The following RGS6 variants were observed in gnomAD, a reference collection of about 807,000 sequenced individuals.
The protein encoded by RGS6 is regulator of G protein signaling 6.
Under a neutral mutation model 78.5 loss-of-function variants are expected in RGS6, and 30 were observed. The observed-to-expected ratio is 0.38, with a 90% CI of 0.29 to 0.52. The LOEUF (loss-of-function observed/expected upper bound fraction) is 0.52. Ranked by LOEUF, RGS6 falls within the 20% of genes least tolerant of loss-of-function variation. RGS6 has a pLI of 0.85. For synonymous variants in RGS6, 206 were observed against 206.0 expected (o/e 1.00, Z 0.00); for missense variants, 495 against 609.7 (o/e 0.81, Z 1.98).
chr14:72,360,625 T>G (rs910509818), intron 3 of RGS6, among the ~76,000 whole-genome samples: 1 of 152,002 alleles, frequency 6.6e-6, no homozygotes, highest in Non-Finnish European at 1.5e-5. Flanking sequence ...TGGAAGCTTA[T>G]AGATCTTCTC....
intron 2 of RGS6, among the ~76,000 whole-genome samples, chr14:72,154,101 A>G (rs993596360): frequency 6.6e-6 from 1 of 152,178 alleles, no homozygotes; most frequent in African/African-American, 2.4e-5. Flanking sequence ...ATTCCTTGCT[A>G]GGAAAATAAT....
chr14:72,344,497 A>G (rs903246439), intron 2 of RGS6, among the ~76,000 whole-genome samples: 1 of 152,210 alleles, frequency 6.6e-6, no homozygotes, highest in Non-Finnish European at 1.5e-5. Flanking sequence ...TACTAAATTT[A>G]CTGTAAATTG....
Position 72,130,866 on chromosome 14 carries a change from A to T in RGS6, c.84+165991A>T, listed in dbSNP as rs137921105. 1.6e-3 allele frequency among the ~76,000 whole-genome samples: 240 copies of T among 152,318 alleles called. 1 individual carries two copies. The highest frequency in any genetic ancestry group is 2.0e-3 in the Non-Finnish European group (137 of 68,022). On this transcript the variant is annotated intron_variant, in intron 2 of 17. Coordinates refer to ENST00000553525, the MANE Select transcript of RGS6 (RefSeq NM_001204424.2). Reference sequence around the variant, plus strand: ...GGATGAATGAGACAAAGTTTGTTGCATTGGTATGTGTGTTGGGGGGATAGG... The same window carrying T: ...GGATGAATGAGACAAAGTTTGTTGCTTTGGTATGTGTGTTGGGGGGATAGG...
chr14:72,282,325 C>T (rs2061718583), intron 2 of RGS6, among the ~76,000 whole-genome samples: 1 of 152,268 alleles, frequency 6.6e-6, no homozygotes, highest in Middle Eastern at 3.4e-3. Context: ...ATTTTTGGGT[C>T]ACTGTGACAG....
intron 2 of RGS6, among the ~76,000 whole-genome samples, chr14:72,052,065 C>T (rs1269668424): frequency 6.6e-6 from 1 of 152,080 alleles, no homozygotes; most frequent in Non-Finnish European, 1.5e-5. Flanking sequence ...AGTAGGCATG[C>T]AGGGGACCGA....
At chr14:72,337,953 T>G (rs1237618846) in intron 2 of RGS6, among the ~76,000 whole-genome samples, 1 of 152,238 alleles carries the variant, frequency 6.6e-6, no homozygotes, top group East Asian at 1.9e-4. Context: ...TCTCATTTTC[T>G]TGGGGATGAA....
chr14:72,446,129 A>G (rs2095357328), intron 3 of RGS6, among the ~76,000 whole-genome samples: 1 of 152,176 alleles, frequency 6.6e-6, no homozygotes, highest in Non-Finnish European at 1.5e-5. Context: ...ATGGTGGTAC[A>G]TGCCTGTGGT....
chr14:71,900,938 C>T, the RGS6 span, among the ~76,000 whole-genome samples: 1 of 151,984 alleles, frequency 6.6e-6, no homozygotes, highest in Admixed American at 6.6e-5. Flanking sequence ...AGGAGAGATC[C>T]TAGACTCTTA....
intron 13 of RGS6, among the ~76,000 whole-genome samples, chr14:72,501,662 C>T (rs1442221935): frequency 7.2e-5 from 11 of 152,176 alleles, no homozygotes; most frequent in African/African-American, 2.2e-4. Context: ...CCCAGGGATA[C>T]GTATGTAAAG....
intron 3 of RGS6, among the ~76,000 whole-genome samples, chr14:72,432,651 C>T (rs1209731146): frequency 6.6e-6 from 1 of 152,230 alleles, no homozygotes; most frequent in African/African-American, 2.4e-5. Context: ...TCCATCCCAC[C>T]TCCTTCAGGC....
chr14:72,416,870 C>T (rs1703818086), intron 3 of RGS6, among the ~76,000 whole-genome samples: 1 of 152,220 alleles, frequency 6.6e-6, no homozygotes, highest in Non-Finnish European at 1.5e-5. Context: ...GTCTCAACAA[C>T]ATGAGTCTAA....
intron 2 of RGS6, among the ~76,000 whole-genome samples, chr14:72,238,249 G>A (rs1247301243): frequency 6.6e-6 from 1 of 152,166 alleles, no homozygotes; most frequent in Non-Finnish European, 1.5e-5. Flanking sequence ...GCCAGCTAAG[G>A]TCTGAGGTTT....
intron 15 of RGS6, among the ~76,000 whole-genome samples, chr14:72,524,599 T>A (rs1168706462): frequency 6.6e-6 from 1 of 152,224 alleles, no homozygotes; most frequent in Non-Finnish European, 1.5e-5. Flanking sequence ...ATCCATTCAA[T>A]CATTTGTCCA....
chr14:71,884,248 G>A, the RGS6 span, among the ~76,000 whole-genome samples: 3 of 152,190 alleles, frequency 2.0e-5, no homozygotes, highest in African/African-American at 4.8e-5. Flanking sequence ...CAGGGACTCC[G>A]CTGTGTCATG....
At chr14:72,185,878 G>A (rs1358282489) in intron 2 of RGS6, among the ~76,000 whole-genome samples, 1 of 152,220 alleles carries the variant, frequency 6.6e-6, no homozygotes, top group Non-Finnish European at 1.5e-5. Context: ...TTGAGTCAAG[G>A]CCGCAATGAG....
At chr14:72,620,036 C>T in the RGS6 span, 1 of 1,478,664 alleles carries the variant, frequency 6.8e-7, no homozygotes, top group Non-Finnish European at 9.0e-7. Flanking sequence ...TTATTCGGGG[C>T]CAATGTCTGG....
intron 12 of RGS6, among the ~76,000 whole-genome samples, chr14:72,480,923 T>C (rs2096363921): frequency 6.6e-6 from 1 of 152,120 alleles, no homozygotes; most frequent in Non-Finnish European, 1.5e-5. Context: ...GCAGGAGGGC[T>C]GGGGACAGCG....
At chr14:71,919,601 A>G in the RGS6 span, among the ~76,000 whole-genome samples, 3 of 152,172 alleles carry the variant, frequency 2.0e-5, no homozygotes, top group Non-Finnish European at 4.4e-5. Context: ...AAGCCTGCAC[A>G]TGTGTGTGCT....
At chr14:72,216,364 A>G (rs972101934) in intron 2 of RGS6, among the ~76,000 whole-genome samples, 3 of 152,198 alleles carry the variant, frequency 2.0e-5, no homozygotes, top group African/African-American at 7.2e-5. Flanking sequence ...CCTCAGGTGT[A>G]TTCATGCAGG....
Sources: gnomAD v4.1 joint callset for allele counts (sites outside exome capture counted in the v4.1 genomes callset) on GRCh38, gnomAD v4.1.1 for gene constraint, MANE v1.5 for transcripts, NCBI Gene and HGNC (gene_info 2026-07-23, HGNC 2026-07-21) for gene names.